Variants in GHR observed in about 807,000 individuals in gnomAD.
GHR encodes GH receptor.
Under a neutral mutation model 67.1 loss-of-function variants are expected in GHR, and 35 were observed. The ratio of observed to expected loss-of-function variants is 0.52; its 90% CI spans 0.40 to 0.69. The LOEUF (loss-of-function observed/expected upper bound fraction) is 0.69, where lower values mean the gene tolerates loss of function less well. GHR is among the 30% of genes least tolerant of loss of function. GHR has a pLI of 0.00. For missense variants in GHR, 792 were observed against 764.6 expected, an observed-to-expected ratio of 1.04 and a Z score of -0.42; for synonymous variants, 272 against 269.1, an observed-to-expected ratio of 1.01 and a Z score of -0.10.
At chr5:42,616,868 C>A (rs1484935776) in intron 2 of GHR, among the ~76,000 whole-genome samples, 1 of 151,906 alleles carries the variant, frequency 6.6e-6, no homozygotes, top group Non-Finnish European at 1.5e-5. Flanking sequence ...CAGTAATGTA[C>A]TGGGTCAAAT....
At chr5:42,574,488 T>G (rs956733751) in intron 2 of GHR, among the ~76,000 whole-genome samples, 4 of 152,188 alleles carry the variant, frequency 2.6e-5, no homozygotes, top group African/African-American at 9.7e-5. Flanking sequence ...AGGCTCTTAA[T>G]GAGAAATAGA....
chr5:42,691,412 C>G (rs1291800780), intron 4 of GHR, among the ~76,000 whole-genome samples: 4 of 152,184 alleles, frequency 2.6e-5, no homozygotes, highest in Non-Finnish European at 5.9e-5. Flanking sequence ...TTAGGAGTAT[C>G]AGGACTGGAC....
At chr5:42,604,183 C>T (rs2112644530) in intron 2 of GHR, among the ~76,000 whole-genome samples, 1 of 152,312 alleles carries the variant, frequency 6.6e-6, no homozygotes, top group South Asian at 2.1e-4. Flanking sequence ...TTCTTGTTCA[C>T]CTTCCTGTAA....
intron 3 of GHR, among the ~76,000 whole-genome samples, chr5:42,641,687 G>A (rs1754484265): frequency 6.6e-6 from 1 of 152,156 alleles, no homozygotes; most frequent in South Asian, 2.1e-4. Context: ...ACCAGCTGGG[G>A]CAAATATTTT....
At position 42,565,907 on chromosome 5, in the gene GHR, A is replaced by G. The variant is rs1749901140; in HGVS notation, c.33A>G (p.Ala11=). The G allele has an allele frequency of 6.2e-7, 1 of 1,614,086 alleles. No individual in the cohort carries two copies. The highest frequency in any genetic ancestry group is 8.5e-7 in the Non-Finnish European group (1 of 1,179,952). The change falls in exon 2 of 10, where the codon GCA becomes GCG. Residue 11 remains alanine, a synonymous_variant. Coordinates refer to ENST00000230882, the MANE Select transcript of GHR (RefSeq NM_000163.5). MDLWQLLLTL[A]LAGSSDAFSG... ...TCTGGCAGCTGCTGTTGACCTTGGC[A>G]CTGGCAGGATCAAGTGATGCTTTTT...
chr5:42,539,598 T>G (rs1748409917), intron 1 of GHR, among the ~76,000 whole-genome samples: 1 of 152,220 alleles, frequency 6.6e-6, no homozygotes, highest in African/African-American at 2.4e-5. Context: ...GCAGTCCACT[T>G]CCTTCTGTGG....
chr5:42,423,845 C>T lies in GHR; in HGVS notation c.-122C>T. On this transcript the variant is annotated 5_prime_UTR_variant, in exon 1 of 10. Transcript: ENST00000230882. The stretch of plus-strand genomic sequence containing the variant: ...TGGCGGCGGCGGCTGCTGCTGAGCC[C>T]GGGCGGCGGCGGGGACCCCGGGCTG... 6.2e-6 allele frequency: 1 copy of T among 161,686 alleles called. No individual in the cohort carries two copies. The highest frequency in any genetic ancestry group is 1.3e-5 in the Non-Finnish European group (1 of 75,690). 10.0% of individuals were successfully genotyped at this position (161,686 alleles called of 1,614,324 possible). A position where few individuals can be genotyped will look rare whatever the true frequency, so the allele number is the denominator to read the frequency against.
intron 3 of GHR, among the ~76,000 whole-genome samples, chr5:42,661,234 G>C (rs1036943220): frequency 1.3e-5 from 2 of 152,150 alleles, no homozygotes; most frequent in African/African-American, 4.8e-5. Flanking sequence ...CCAACATTCA[G>C]ATTCAGGAAA....
At chr5:42,482,549 C>A (rs1017582222) in intron 1 of GHR, among the ~76,000 whole-genome samples, 1 of 152,198 alleles carries the variant, frequency 6.6e-6, no homozygotes, top group Non-Finnish European at 1.5e-5. Flanking sequence ...GCTTCCTGGC[C>A]GCTTTATTTA....
chr5:42,537,066 A>G (rs900818240), intron 1 of GHR, among the ~76,000 whole-genome samples: 4 of 151,892 alleles, frequency 2.6e-5, no homozygotes, highest in Admixed American at 6.6e-5. Flanking sequence ...TTCTTGGTTA[A>G]TCTTACTAAT....
intron 2 of GHR, among the ~76,000 whole-genome samples, chr5:42,575,809 G>A (rs1469224527): frequency 2.0e-5 from 3 of 151,638 alleles, no homozygotes; most frequent in South Asian, 2.1e-4. Context: ...GCCAAGGCGG[G>A]TGGATCGAGA....
chr5:42,585,545 C>T (rs1751431228), intron 2 of GHR, among the ~76,000 whole-genome samples: 1 of 152,258 alleles, frequency 6.6e-6, no homozygotes, highest in Admixed American at 6.5e-5. Flanking sequence ...CAGCTAAGCA[C>T]TGATGAGCAG....
intron 3 of GHR, among the ~76,000 whole-genome samples, chr5:42,636,171 C>T (rs1231194706): frequency 2.2e-5 from 3 of 136,870 alleles, no homozygotes; most frequent in Non-Finnish European, 4.5e-5. Context: ...GATCTCACCA[C>T]TGGACTCCAG....
intron 4 of GHR, among the ~76,000 whole-genome samples, chr5:42,693,050 C>T (rs1283796870): frequency 2.0e-5 from 3 of 152,090 alleles, no homozygotes; most frequent in Non-Finnish European, 4.4e-5. Context: ...CATACTTACA[C>T]ACACACACAC....
At chr5:42,605,260 C>T (rs1320337597) in intron 2 of GHR, among the ~76,000 whole-genome samples, 6 of 151,840 alleles carry the variant, frequency 4.0e-5, no homozygotes, top group African/African-American at 1.5e-4. Context: ...TGCACCAACA[C>T]GCCCGGCTAA....
chr5:42,443,878 C>A, intron 1 of GHR, among the ~76,000 whole-genome samples: 1 of 152,048 alleles, frequency 6.6e-6, no homozygotes, highest in South Asian at 2.1e-4. Context: ...TAAGAACACT[C>A]TCATAGAAAC....
At chr5:42,565,779 G>A in intron 1 of GHR, 85 bp from the exon 2 acceptor site, 2 of 1,610,396 alleles carry the variant, frequency 1.2e-6, no homozygotes, top group Non-Finnish European at 1.7e-6. Context: ...GCTCATTCAT[G>A]TCTTACCCAG....
At chr5:42,506,863 T>C (rs917247944) in intron 1 of GHR, among the ~76,000 whole-genome samples, 1 of 152,214 alleles carries the variant, frequency 6.6e-6, no homozygotes, top group Admixed American at 6.5e-5. Flanking sequence ...AAAACAAGGA[T>C]GTGGTCATAA....
chr5:42,685,559 A>G (rs1471558378), intron 3 of GHR, among the ~76,000 whole-genome samples: 1 of 152,184 alleles, frequency 6.6e-6, no homozygotes, highest in Middle Eastern at 3.2e-3. Flanking sequence ...CACTCCCACC[A>G]ACAGTGTAAA....
Sources: gnomAD v4.1 joint callset for allele counts (sites outside exome capture counted in the v4.1 genomes callset) on GRCh38, gnomAD v4.1.1 for gene constraint, MANE v1.5 for transcripts, NCBI Gene and HGNC (gene_info 2026-07-23, HGNC 2026-07-21) for gene names.